The following AP2B1 variants were observed in gnomAD, a reference collection of about 807,000 sequenced individuals.
AP2B1 encodes adaptor related protein complex 2 subunit beta 1.
AP2B1 carries 23 observed loss-of-function variants against 102.0 expected under a neutral mutation model. The observed-to-expected ratio is 0.23, with a 90% CI of 0.16 to 0.32. The LOEUF is 0.32. AP2B1 is among the 10% of genes least tolerant of loss of function. AP2B1 has a pLI of 1.00. For synonymous variants in AP2B1, 381 were observed against 421.2 expected, an observed-to-expected ratio of 0.90 and a Z score of 1.17; for missense variants, 541 against 1,157.4, an observed-to-expected ratio of 0.47 and a Z score of 7.73.
chr17:35,630,666 A>C (rs1218264392), intron 9 of AP2B1, among the ~76,000 whole-genome samples: 7 of 152,172 alleles, frequency 4.6e-5, no homozygotes, highest in Non-Finnish European at 7.3e-5. Flanking sequence ...TAGATTCCTC[A>C]AGGCTGTTAG....
intron 17 of AP2B1, among the ~76,000 whole-genome samples, chr17:35,676,811 T>A (rs2075712620): frequency 6.6e-6 from 1 of 152,066 alleles, no homozygotes; most frequent in Non-Finnish European, 1.5e-5. Context: ...TTCACTTAAG[T>A]ATCAGCTCAA....
chr17:35,588,700 A>G (rs540841930), intron 1 of AP2B1: 12 of 152,376 alleles, frequency 7.9e-5, no homozygotes, highest in African/African-American at 2.6e-4. Context: ...AAACGTGTTA[A>G]GACATTCCAG....
At chr17:35,622,983 A>G (rs1006468032) in intron 5 of AP2B1, among the ~76,000 whole-genome samples, 3 of 152,096 alleles carry the variant, frequency 2.0e-5, no homozygotes, top group African/African-American at 7.2e-5. Context: ...CTTGGAGAGT[A>G]TTTATATTCA....
intron 5 of AP2B1, among the ~76,000 whole-genome samples, chr17:35,611,303 T>C (rs2073856489): frequency 6.6e-6 from 1 of 152,162 alleles, no homozygotes; most frequent in Admixed American, 6.5e-5. Context: ...AAATATTCAG[T>C]GGTGCTAAGA....
chr17:35,632,289 C>T (rs2074484688), intron 9 of AP2B1, among the ~76,000 whole-genome samples: 1 of 151,992 alleles, frequency 6.6e-6, no homozygotes, highest in African/African-American at 2.4e-5. Flanking sequence ...CATGCACCAC[C>T]ATGCCCGGCT....
intron 13 of AP2B1, among the ~76,000 whole-genome samples, chr17:35,652,001 CTCCTGCTAACTT>C (rs1197623230): frequency 6.6e-6 from 1 of 152,140 alleles, no homozygotes; most frequent in African/African-American, 2.4e-5. Context: ...TGTATCTAGC[CTCCTGCTAACTT>C]TTAACCCTCA....
intron 5 of AP2B1, among the ~76,000 whole-genome samples, chr17:35,616,705 C>G (rs981765058): frequency 2.6e-5 from 4 of 152,124 alleles, no homozygotes; most frequent in Admixed American, 6.5e-5. Flanking sequence ...TCCGGAATAC[C>G]AAATTGTGTT....
chr17:35,645,531 C>A (rs903057164), intron 12 of AP2B1, among the ~76,000 whole-genome samples: 1 of 152,124 alleles, frequency 6.6e-6, no homozygotes, highest in Non-Finnish European at 1.5e-5. Flanking sequence ...AAATTCAATA[C>A]AATATTCAGT....
chr17:35,671,413 A>G (rs1470450692), intron 15 of AP2B1, among the ~76,000 whole-genome samples: 2 of 152,204 alleles, frequency 1.3e-5, no homozygotes, highest in Non-Finnish European at 2.9e-5. Flanking sequence ...CCCTCTTTCT[A>G]TAAAAACAAA....
At chr17:35,721,061 G>A (rs1555592964) in intron 21 of AP2B1, among the ~76,000 whole-genome samples, 1 of 152,036 alleles carries the variant, frequency 6.6e-6, no homozygotes, top group African/African-American at 2.4e-5. Context: ...GAAAGAAATC[G>A]GGTTGAGCCA....
At chr17:35,679,228 A>C (rs1364457386) in intron 17 of AP2B1, among the ~76,000 whole-genome samples, 3 of 152,114 alleles carry the variant, frequency 2.0e-5, no homozygotes, top group Non-Finnish European at 4.4e-5. Context: ...ACAGCTTCTT[A>C]GCCTCTCTGA....
intron 5 of AP2B1, among the ~76,000 whole-genome samples, chr17:35,622,029 G>A (rs2074193537): frequency 1.3e-5 from 2 of 152,148 alleles, no homozygotes; most frequent in African/African-American, 4.8e-5. Flanking sequence ...GGTCAACTAA[G>A]TATGTTGTGC....
At chr17:35,642,650 T>A (rs1441000321) in intron 12 of AP2B1, among the ~76,000 whole-genome samples, 1 of 152,176 alleles carries the variant, frequency 6.6e-6, no homozygotes, top group Non-Finnish European at 1.5e-5. Flanking sequence ...AGGCCGGCTT[T>A]TTAGCAGGCT....
intron 18 of AP2B1, among the ~76,000 whole-genome samples, chr17:35,689,300 C>G (rs1023310867): frequency 2.0e-5 from 3 of 152,126 alleles, no homozygotes; most frequent in African/African-American, 7.2e-5. Flanking sequence ...TTGCCTCGGC[C>G]TCCCGAGTAG....
chr17:35,689,874 A>G (rs587593638), intron 18 of AP2B1, among the ~76,000 whole-genome samples: 1 of 152,172 alleles, frequency 6.6e-6, no homozygotes, highest in South Asian at 2.1e-4. Context: ...CTCCTCTTCC[A>G]TATTTCTTTT....
rs764045264 is a variant in AP2B1, at chr17:35,674,176, G to A, written c.2179G>A (p.Val727Ile). Residue 727 changes from valine (V) to isoleucine (I), a missense_variant and splice_region_variant, in exon 17 of 22, where the codon GTC (valine) becomes ATC (isoleucine). Physicochemically the swap from Val to Ile is conservative, Grantham distance 29. Around this residue, in one of 10 missense-constraint regions of AP2B1, gnomAD observed 62 missense variants for 87.6 expected, o/e 0.71. Transcript: ENST00000610402. ...TATTGAGCTTTATACTGTGTTTCAGGTCTGGCTACCTGCAGTAAAGGCTAA... is the reference window on the plus strand; with the variant it reads ...TATTGAGCTTTATACTGTGTTTCAGATCTGGCTACCTGCAGTAAAGGCTAA... The part of the protein sequence containing the change: ...APGGYVAPKA[V>I]WLPAVKAKGL... 3 of 1,613,946 alleles carry A rather than the reference G, an allele frequency of 1.9e-6. No individual in the cohort carries two copies. Among genetic ancestry groups the A allele is most frequent in the East Asian group, 2.2e-5 (1 of 44,884 alleles).
In AP2B1 at chr17:35,626,775, T is replaced by A; in HGVS notation, c.871T>A (p.Leu291Met). The change falls in exon 7 of 22, where the codon TTG becomes ATG. Residue 291 changes from leucine (L) to methionine (M), a missense_variant. This residue lies in a region of AP2B1 where 134 missense variants were observed against 250.2 expected (regional missense o/e 0.54). Transcript: ENST00000610402. ...LKKLAPPLVT[L>M]LSGEPEVQYV... Reference sequence around the variant, plus strand: ...GAAGTTAGCCCCTCCACTTGTCACTTTGCTGTCTGGGGAGCCAGAAGTGCA... The same window carrying A: ...GAAGTTAGCCCCTCCACTTGTCACTATGCTGTCTGGGGAGCCAGAAGTGCA... 1 of 1,614,006 alleles carries A rather than the reference T, an allele frequency of 6.2e-7. No individual in the cohort carries two copies. The highest frequency in any genetic ancestry group is 1.1e-5 in the South Asian group (1 of 91,076).
chr17:35,677,425 G>C (rs2075725431), intron 17 of AP2B1, among the ~76,000 whole-genome samples: 1 of 152,076 alleles, frequency 6.6e-6, no homozygotes, highest in Non-Finnish European at 1.5e-5. Context: ...AAGCCTTATA[G>C]TTTTTGTTCC....
chr17:35,680,673 G>T (rs914378231), intron 17 of AP2B1, among the ~76,000 whole-genome samples: 2 of 145,994 alleles, frequency 1.4e-5, no homozygotes, highest in Non-Finnish European at 3.0e-5. Flanking sequence ...ACCATGCCCA[G>T]TCTATGGTTT....
Sources: allele counts gnomAD v4.1 joint callset (sites outside exome capture counted in the v4.1 genomes callset), GRCh38; gene constraint gnomAD v4.1.1; regional missense constraint gnomAD v4.1.1; transcripts MANE v1.5; gene names NCBI Gene and HGNC (gene_info 2026-07-23, HGNC 2026-07-21).